CNTN3: variants seen among roughly 807,000 people sequenced by gnomAD.
CNTN3 encodes the protein contactin 3.
CNTN3 carries 60 observed loss-of-function variants against 119.1 expected under a neutral mutation model. The observed-to-expected ratio is 0.50, with a 90% CI of 0.41 to 0.62. CNTN3 has a LOEUF of 0.62. Ranked by LOEUF, CNTN3 falls within the 20% of genes least tolerant of loss-of-function variation. The pLI, the probability that CNTN3 is intolerant of heterozygous loss-of-function variation, is 0.00. For synonymous variants in CNTN3, 450 were observed against 438.7 expected (o/e 1.03, Z -0.32); for missense variants, 1,101 against 1,242.4 (o/e 0.89, Z 1.71).
chr3:74,292,577 T>C (rs917017463), intron 19 of CNTN3, among the ~76,000 whole-genome samples: 16 of 151,942 alleles, frequency 1.1e-4, no homozygotes, highest in Admixed American at 2.0e-4. Flanking sequence ...CAAAAATAAA[T>C]AGATAGATAA....
In CNTN3 at chr3:74,448,236, T is replaced by C. The variant is rs568496020; in HGVS notation, c.359-23296A>G. 2.6e-4 allele frequency among the ~76,000 whole-genome samples: 40 copies of C among 152,296 alleles called. 1 individual carries two copies. Among genetic ancestry groups the C allele is most frequent in the South Asian group, 6.2e-4 (3 of 4,828 alleles). ...TTCTGAACACAAATTTTATGTTGTG[T>C]ATGTTGCCAAACAAGACAAACAAGT... is the stretch of plus-strand genomic sequence containing the variant. On this transcript the variant is annotated intron_variant, in intron 4 of 22. Transcript: ENST00000263665.
intron 1 of CNTN3, among the ~76,000 whole-genome samples, chr3:74,523,296 T>C (rs1238666794): frequency 6.6e-6 from 1 of 151,782 alleles, no homozygotes; most frequent in African/African-American, 2.4e-5. Flanking sequence ...TGCATACACA[T>C]ATAGATAGAT....
At chr3:74,353,829 T>C (rs1035421132) in intron 11 of CNTN3, among the ~76,000 whole-genome samples, 26 of 152,074 alleles carry the variant, frequency 1.7e-4, no homozygotes, top group African/African-American at 6.3e-4. Flanking sequence ...ATACACCTTT[T>C]TCTGATGCAC....
chr3:74,497,192 C>A (rs1443009167), intron 3 of CNTN3, among the ~76,000 whole-genome samples: 44 of 151,704 alleles, frequency 2.9e-4, no homozygotes, highest in Non-Finnish European at 2.9e-4. Flanking sequence ...TCCTCGATGT[C>A]ATTATATATT....
intron 19 of CNTN3, among the ~76,000 whole-genome samples, chr3:74,293,500 A>G (rs1702275883): frequency 1.3e-5 from 2 of 152,136 alleles, no homozygotes; most frequent in African/African-American, 4.8e-5. Context: ...TTTGAGATAG[A>G]ATCTCAGTCT....
rs80091948 is a variant in CNTN3, at chr3:74,361,259, C to G, written c.1364+631G>C. The stretch of plus-strand genomic sequence containing the variant: ...ACTTCATCCACATAACAATTCTTGA[C>G]ATTAGGTGTGAACTATTATCACTCC... On this transcript the variant is annotated intron_variant, in intron 11 of 22. Transcript: ENST00000263665. Among the ~76,000 whole-genome samples the G allele has an allele frequency of 1.2e-3, 185 of 152,228 alleles. 3 individuals carry two copies. In the East Asian group the frequency reaches 0.032, roughly 26 times the overall value.
intron 1 of CNTN3, among the ~76,000 whole-genome samples, chr3:74,571,092 T>A (rs1329295111): frequency 6.6e-6 from 1 of 152,234 alleles, no homozygotes; most frequent in Non-Finnish European, 1.5e-5. Flanking sequence ...CAATAATTTC[T>A]CCATTACATA....
chr3:74,374,095 G>A (rs977516548), intron 5 of CNTN3, among the ~76,000 whole-genome samples: 3 of 152,060 alleles, frequency 2.0e-5, no homozygotes, highest in African/African-American at 7.2e-5. Flanking sequence ...GCCCCATGAA[G>A]GATTTCTCTA....
intron 4 of CNTN3, among the ~76,000 whole-genome samples, chr3:74,479,527 G>A (rs1702723802): frequency 6.6e-6 from 1 of 152,116 alleles, no homozygotes; most frequent in African/African-American, 2.4e-5. Flanking sequence ...ACTAAGTTAA[G>A]CTAAGTCTCT....
intron 2 of CNTN3, among the ~76,000 whole-genome samples, chr3:74,510,653 T>C (rs1239599310): frequency 6.6e-6 from 1 of 152,038 alleles, no homozygotes; most frequent in Non-Finnish European, 1.5e-5. Context: ...TCTCTAAGAA[T>C]GTTTACTGTG....
chr3:74,473,740 T>G (rs1462194551), intron 4 of CNTN3, among the ~76,000 whole-genome samples: 1 of 152,108 alleles, frequency 6.6e-6, no homozygotes, highest in African/African-American at 2.4e-5. Context: ...GAAAGCAATT[T>G]TTAGGAAATG....
chr3:74,493,622 A>C (rs935507512), intron 3 of CNTN3, among the ~76,000 whole-genome samples: 5 of 152,286 alleles, frequency 3.3e-5, no homozygotes, highest in Non-Finnish European at 5.9e-5. Context: ...TTTGACAGGA[A>C]AATTAGAAAT....
intron 4 of CNTN3, among the ~76,000 whole-genome samples, chr3:74,459,106 T>A (rs1228944173): frequency 6.6e-6 from 1 of 152,050 alleles, no homozygotes; most frequent in Non-Finnish European, 1.5e-5. Flanking sequence ...CTGACTGGAC[T>A]CCTCAGGGGT....
At position 74,366,430 on chromosome 3, in the gene CNTN3, C is replaced by T. The variant is rs571702134; in HGVS notation, c.947-728G>A. Among the ~76,000 whole-genome samples the T allele has an allele frequency of 8.5e-5, 13 of 152,130 alleles. No homozygotes were observed. The South Asian group carries it at 2.1e-3, about 24-fold the overall frequency. On this transcript the variant is annotated intron_variant, in intron 8 of 22. Transcript: ENST00000263665. ...AAATTCATTTTACAGATGAAAGCAT[C>T]GTACCACTTACAATGAAAGTCACTT...
chr3:74,489,450 TC>T (rs1702921546), intron 3 of CNTN3, among the ~76,000 whole-genome samples: 1 of 74,946 alleles, frequency 1.3e-5, no homozygotes, highest in South Asian at 4.2e-4. Flanking sequence ...TTCCTTCCCT[TC>T]CTCCCTTCCT....
chr3:74,391,557 CTTTTT>C (rs554976641), intron 5 of CNTN3, among the ~76,000 whole-genome samples: 171 of 87,040 alleles, frequency 2.0e-3, no homozygotes, highest in African/African-American at 7.7e-3. Flanking sequence ...CCCATAGTTT[CTTTTT>C]TTTTTTTTTT....
intron 4 of CNTN3, among the ~76,000 whole-genome samples, chr3:74,472,666 A>C (rs1008078543): frequency 6.6e-6 from 1 of 152,222 alleles, no homozygotes; most frequent in African/African-American, 2.4e-5. Flanking sequence ...CAGGTTGAAA[A>C]GCATTGTGCT....
intron 1 of CNTN3, among the ~76,000 whole-genome samples, chr3:74,521,500 C>T (rs1325399447): frequency 6.6e-6 from 1 of 151,180 alleles, no homozygotes; most frequent in African/African-American, 2.4e-5. Flanking sequence ...AAACATTAAC[C>T]TAAAATTCTA....
chr3:74,443,926 C>CA (rs1702006484), intron 4 of CNTN3, among the ~76,000 whole-genome samples: 1 of 152,078 alleles, frequency 6.6e-6, no homozygotes, highest in South Asian at 2.1e-4. Context: ...TATTGTCTCA[C>CA]AATTCTGGAG....
Sources: allele counts gnomAD v4.1 joint callset (sites outside exome capture counted in the v4.1 genomes callset), GRCh38; gene constraint gnomAD v4.1.1; transcripts MANE v1.5; gene names NCBI Gene and HGNC (gene_info 2026-07-23, HGNC 2026-07-21).